TNS1: variants seen among roughly 807,000 people sequenced by gnomAD.
TNS1 encodes tensin 1.
TNS1 carries 62 observed loss-of-function variants against 168.6 expected under a neutral mutation model. The ratio of observed to expected loss-of-function variants is 0.37; its 90% CI spans 0.30 to 0.45. The LOEUF is 0.45. Among genes scored for constraint, TNS1 ranks in the 20% least tolerant of loss-of-function variants. TNS1 has a pLI of 1.00. For synonymous variants in TNS1, 934 were observed against 933.2 expected, an observed-to-expected ratio of 1.00 and a Z score of -0.02; for missense variants, 2,240 against 2,339.4, an observed-to-expected ratio of 0.96 and a Z score of 0.88.
chr2:218,004,156 C>T (rs11675601), upstream of TNS1, among the ~76,000 whole-genome samples: 103,032 of 151,996 alleles, frequency 0.68, 36,034 homozygotes, highest in Middle Eastern at 0.81. Context: ...GGAGGGAGGG[C>T]TCAGCCCCAC....
At chr2:217,841,154 G>C (rs997089711) in intron 19 of TNS1, 1 of 915,658 alleles carries the variant, frequency 1.1e-6, no homozygotes, top group Non-Finnish European at 1.3e-6. Flanking sequence ...CTCAAAAGTG[G>C]GCCAAAGAGC....
intron 1 of TNS1, among the ~76,000 whole-genome samples, chr2:218,002,248 C>T (rs1007793825): frequency 6.6e-6 from 1 of 152,132 alleles, no homozygotes; most frequent in African/African-American, 2.4e-5. Context: ...CGGGCCATGG[C>T]TCCCTCCTCC....
chr2:217,870,016 CCAGT>C (rs1315865654), intron 18 of TNS1, among the ~76,000 whole-genome samples: 4 of 152,212 alleles, frequency 2.6e-5, no homozygotes, highest in African/African-American at 9.6e-5. Flanking sequence ...TGTGAGGAAG[CCAGT>C]CAGATTTGAT....
At position 217,901,013 on chromosome 2, in the gene TNS1, A is replaced by G. The variant is rs191219884; in HGVS notation, c.322-501T>C. ...ATTGAGTTTAGAGACCAGAACAGGC[A>G]GGTGGAGCATGCAGGAACCAAGACG... On this transcript the variant is annotated intron_variant, in intron 6 of 32. Coordinates refer to ENST00000682258, the MANE Select transcript of TNS1 (RefSeq NM_001387777.1). 6.8e-4 allele frequency among the ~76,000 whole-genome samples: 104 copies of G among 152,318 alleles called. No homozygotes were observed. In the East Asian group the frequency reaches 0.015, roughly 22 times the overall value.
Position 217,800,951 on chromosome 2 carries a change from T to C in TNS1, c.*3508A>G, listed in dbSNP as rs1937401027. On this transcript the variant is annotated 3_prime_UTR_variant, in exon 33 of 33. Coordinates refer to ENST00000682258, the MANE Select transcript of TNS1 (RefSeq NM_001387777.1). ...TCACTAACCTCCTGAGAGCCGTTTA[T>C]AGGGGGATCACACTTGTCCAGGAGG... The C allele has an allele frequency of 6.6e-6, 1 of 152,146 alleles. No homozygotes were observed. The highest frequency in any genetic ancestry group is 1.5e-5 in the Non-Finnish European group (1 of 68,044). The allele number at this position is 152,146 out of a possible 1,614,324, so 9.4% of individuals were successfully genotyped here. A position where few individuals can be genotyped will look rare whatever the true frequency, so the allele number is the denominator to read the frequency against.
chr2:217,924,409 T>C (rs1455482578), intron 3 of TNS1, among the ~76,000 whole-genome samples: 1 of 152,212 alleles, frequency 6.6e-6, no homozygotes, highest in Non-Finnish European at 1.5e-5. Flanking sequence ...ATTATAGGTG[T>C]GTGTGCTTCC....
rs1459054124 is a variant in TNS1, at chr2:217,978,788, A to T, written c.163T>A (p.Cys55Ser). 2 of 702,190 alleles carry T rather than the reference A, an allele frequency of 2.8e-6. No homozygotes were observed. The highest frequency in any genetic ancestry group is 5.2e-6 in the Non-Finnish European group (2 of 384,510). The allele number at this position is 702,190 out of a possible 1,614,324, so 43.5% of individuals were successfully genotyped here. Reference sequence around the variant, plus strand: ...ACCTTGGCCTGGCATTTCCGATGACAGGAGAAGCTGCAGACTGCAAGAGGG... The same window carrying T: ...ACCTTGGCCTGGCATTTCCGATGACTGGAGAAGCTGCAGACTGCAAGAGGG... ...GCTCKVCSFS[C>S]HRKCQAKVAA... The change falls in exon 3 of 33, where the codon TGT (cysteine) becomes AGT (serine). Residue 55 changes from cysteine to serine, a missense_variant. Transcript: ENST00000682258.
intron 16 of TNS1, among the ~76,000 whole-genome samples, chr2:217,883,135 T>A (rs565063294): frequency 1.4e-4 from 21 of 152,304 alleles, no homozygotes; most frequent in African/African-American, 5.1e-4. Flanking sequence ...TTGACCACTA[T>A]TAATATGAAT....
chr2:217,868,793 G>A (rs1949511808), intron 18 of TNS1, among the ~76,000 whole-genome samples: 1 of 152,210 alleles, frequency 6.6e-6, no homozygotes, highest in East Asian at 1.9e-4. Flanking sequence ...CTCCCAATCA[G>A]CACGGGGCCT....
intron 18 of TNS1, among the ~76,000 whole-genome samples, chr2:217,866,274 T>C (rs919999944): frequency 2.0e-5 from 3 of 152,198 alleles, no homozygotes; most frequent in South Asian, 2.1e-4. Context: ...CACTGTGCAA[T>C]GGCAGAGGGC....
At position 217,971,451 on chromosome 2, in the gene TNS1, AT is replaced by A. The variant is rs1484742446; in HGVS notation, c.186+7313del. Among the ~76,000 whole-genome samples the A allele has an allele frequency of 2.0e-5, 3 of 152,192 alleles. No homozygotes were observed. The East Asian group carries it at 5.8e-4, about 29-fold the overall frequency. On this transcript the variant is annotated intron_variant, in intron 3 of 32. Transcript: ENST00000682258. ...TATCCCACTGTACTATGACATTGCA[AT>A]TTCTTTATCCATTTACCTGTCATTG...
intron 1 of TNS1, among the ~76,000 whole-genome samples, chr2:218,029,120 A>C (rs889707512): frequency 4.6e-5 from 7 of 152,254 alleles, no homozygotes; most frequent in African/African-American, 1.7e-4. Flanking sequence ...CTGCCCCCAG[A>C]GAGTGAGTAA....
chr2:217,997,606 A>G (rs1171598993), intron 1 of TNS1, among the ~76,000 whole-genome samples: 2 of 152,120 alleles, frequency 1.3e-5, no homozygotes, highest in Non-Finnish European at 1.5e-5. Flanking sequence ...TCTTTCTTTG[A>G]GCCTACAGCA....
intron 4 of TNS1, among the ~76,000 whole-genome samples, chr2:217,914,713 T>C (rs1954811904): frequency 6.6e-6 from 1 of 152,180 alleles, no homozygotes; most frequent in Non-Finnish European, 1.5e-5. Flanking sequence ...CTCGATCTCT[T>C]GACCTTGTGA....
chr2:218,030,264 C>T (rs986461669), intron 1 of TNS1, among the ~76,000 whole-genome samples: 3 of 152,198 alleles, frequency 2.0e-5, no homozygotes, highest in Non-Finnish European at 2.9e-5. Flanking sequence ...AAGTCGGCTG[C>T]TCCAACCACC....
chr2:217,884,140 T>G (rs796982841), intron 16 of TNS1, among the ~76,000 whole-genome samples: 1,854 of 24,038 alleles, frequency 0.077, 41 homozygotes, highest in African/African-American at 0.14. Context: ...GGTGGGTGGG[T>G]GGGTGGGTGG....
intron 3 of TNS1, among the ~76,000 whole-genome samples, chr2:217,929,108 C>G (rs918274503): frequency 7.5e-5 from 11 of 147,124 alleles, no homozygotes; most frequent in Admixed American, 6.0e-4. Context: ...GACCAGCAGG[C>G]CAAGCTGTGG....
intron 1 of TNS1, among the ~76,000 whole-genome samples, chr2:218,028,735 G>A (rs1958869518): frequency 6.6e-6 from 1 of 152,200 alleles, no homozygotes; most frequent in Admixed American, 6.5e-5. Context: ...CAGGCTGGGA[G>A]GCAGAAGGGC....
upstream of TNS1, among the ~76,000 whole-genome samples, chr2:218,014,986 C>A (rs772951619): frequency 7.9e-5 from 12 of 152,156 alleles, no homozygotes; most frequent in Non-Finnish European, 1.6e-4. Flanking sequence ...TCCACTGGCT[C>A]CCTCCCACAG....
Sources: allele counts gnomAD v4.1 joint callset (sites outside exome capture counted in the v4.1 genomes callset), GRCh38; gene constraint gnomAD v4.1.1; transcripts MANE v1.5; gene names NCBI Gene and HGNC (gene_info 2026-07-23, HGNC 2026-07-21).